The following CD9 variants were observed in gnomAD, a reference collection of about 807,000 sequenced individuals.
CD9 encodes the protein CD9 molecule.
CD9 carries 10 observed loss-of-function variants against 31.4 expected under a neutral mutation model. That is an observed-to-expected ratio of 0.32 (90% CI 0.20 to 0.54). CD9 has a LOEUF of 0.54. CD9 is among the 20% of genes least tolerant of loss of function. The pLI is 0.94. For missense variants in CD9, 259 were observed against 300.1 expected, an observed-to-expected ratio of 0.86 and a Z score of 1.01; for synonymous variants, 113 against 114.1, an observed-to-expected ratio of 0.99 and a Z score of 0.06.
chr12:6,214,200 G>A (rs1565421088), intron 1 of CD9, among the ~76,000 whole-genome samples: 2 of 152,106 alleles, frequency 1.3e-5, no homozygotes, highest in South Asian at 2.1e-4. Context: ...GGTGATGAGA[G>A]GATTCAGTGA....
Position 6,235,347 on chromosome 12 carries a change from A to T in CD9, c.447+20A>T. The T allele has an allele frequency of 6.2e-7, 1 of 1,614,222 alleles. No homozygotes were observed. The highest frequency in any genetic ancestry group is 1.1e-5 in the South Asian group (1 of 91,088). Reference sequence around the variant, plus strand: ...TATGCGGTATGTCGCCTTGGCAAAGACACCCTCCTGCGCTTTCTCCGGATT... The same window carrying T: ...TATGCGGTATGTCGCCTTGGCAAAGTCACCCTCCTGCGCTTTCTCCGGATT... On this transcript the variant is annotated intron_variant, in intron 5 of 7. Coordinates refer to ENST00000009180, the MANE Select transcript of CD9 (RefSeq NM_001769.4).
intron 1 of CD9, among the ~76,000 whole-genome samples, chr12:6,201,163 G>C (rs1362709992): frequency 6.6e-6 from 1 of 152,188 alleles, no homozygotes; most frequent in Non-Finnish European, 1.5e-5. Context: ...CTCCACCCTT[G>C]AGGAGGAACC....
chr12:6,225,295 T>C (rs1278889425), intron 1 of CD9, 131 bp from the exon 2 acceptor site: 1 of 661,508 alleles, frequency 1.5e-6, no homozygotes. Flanking sequence ...CATCTACAAC[T>C]ACCAGGCGTA....
At chr12:6,202,150 G>T (rs1392070657) in intron 1 of CD9, among the ~76,000 whole-genome samples, 1 of 152,190 alleles carries the variant, frequency 6.6e-6, no homozygotes, top group Non-Finnish European at 1.5e-5. Context: ...GAGCTGAAGG[G>T]GTGGTTGAAC....
Position 6,235,189 on chromosome 12 carries a change from A to C in CD9, c.349-40A>C, listed in dbSNP as rs1439324170. On this transcript the variant is annotated intron_variant, in intron 4 of 7. Coordinates refer to ENST00000009180, the MANE Select transcript of CD9 (RefSeq NM_001769.4). ...ACATTTGTTCGTGGAGGAAGATGTG[A>C]AAATGCCGTCTCTGCCCCTCTCTCG... The C allele has an allele frequency of 3.6e-6, 5 of 1,402,112 alleles. No homozygotes were observed. In the South Asian group the frequency reaches 4.7e-5, roughly 13 times the overall value. 86.9% of individuals were successfully genotyped at this position (1,402,112 alleles called of 1,614,324 possible).
chr12:6,234,843 C>T (rs1483571482), intron 4 of CD9, among the ~76,000 whole-genome samples: 1 of 152,176 alleles, frequency 6.6e-6, no homozygotes, highest in Non-Finnish European at 1.5e-5. Flanking sequence ...AAAACTCATA[C>T]CTAAGTGAAG....
intron 1 of CD9, among the ~76,000 whole-genome samples, chr12:6,218,987 C>G (rs1946267447): frequency 6.6e-6 from 1 of 152,016 alleles, no homozygotes; most frequent in Non-Finnish European, 1.5e-5. Flanking sequence ...CCGAGGACAG[C>G]AATGCATGGG....
intron 5 of CD9, 70 bp downstream of exon 5, chr12:6,235,397 G>T (rs1946505345): frequency 1.2e-6 from 2 of 1,613,998 alleles, no homozygotes; most frequent in African/African-American, 2.7e-5. Flanking sequence ...GGTGCTGACT[G>T]CACCAGACCA....
chr12:6,209,135 AT>A (rs1946165817), intron 1 of CD9, among the ~76,000 whole-genome samples: 1 of 151,708 alleles, frequency 6.6e-6, no homozygotes, highest in Non-Finnish European at 1.5e-5. Context: ...CGCCCAGCTA[AT>A]TTTTGTATTT....
At chr12:6,212,774 A>G (rs908961726) in intron 1 of CD9, among the ~76,000 whole-genome samples, 2 of 152,182 alleles carry the variant, frequency 1.3e-5, no homozygotes, top group African/African-American at 4.8e-5. Context: ...AGAGCACTAA[A>G]TGGCCACAGA....
In CD9 at chr12:6,204,578, G is replaced by C. The variant is rs564373255; in HGVS notation, c.66+4013G>C. Reference sequence around the variant, plus strand: ...TCTCTCTCAGGGGTGTTCATTGCCCGTATACCTTAGTACTTGGCCTAGTGA... The same window carrying C: ...TCTCTCTCAGGGGTGTTCATTGCCCCTATACCTTAGTACTTGGCCTAGTGA... On this transcript the variant is annotated intron_variant, in intron 1 of 7. Transcript: ENST00000009180. 1.1e-4 allele frequency among the ~76,000 whole-genome samples: 16 copies of C among 152,178 alleles called. No homozygotes were observed. In the South Asian group the frequency reaches 3.1e-3, roughly 30 times the overall value.
At chr12:6,216,736 C>G (rs1001072039) in intron 1 of CD9, among the ~76,000 whole-genome samples, 7 of 152,166 alleles carry the variant, frequency 4.6e-5, no homozygotes, top group African/African-American at 1.7e-4. Context: ...AGCGCTCACA[C>G]AGACTCCCAC....
chr12:6,208,846 G>A (rs1946162077), intron 1 of CD9, among the ~76,000 whole-genome samples: 1 of 152,022 alleles, frequency 6.6e-6, no homozygotes, highest in Admixed American at 6.6e-5. Flanking sequence ...TTACAGGTGT[G>A]TAGTTTAATG....
chr12:6,201,805 G>A (rs1191839124), intron 1 of CD9, among the ~76,000 whole-genome samples: 1 of 152,194 alleles, frequency 6.6e-6, no homozygotes, highest in Non-Finnish European at 1.5e-5. Context: ...TTGGGAGGCT[G>A]AGGCAGGAGG....
At chr12:6,206,718 TA>T (rs1274315042) in intron 1 of CD9, among the ~76,000 whole-genome samples, 1 of 152,064 alleles carries the variant, frequency 6.6e-6, no homozygotes, top group Non-Finnish European at 1.5e-5. Context: ...ATCTATCTGG[TA>T]ATTTCCTCCC....
Position 6,200,424 on chromosome 12 carries a change from C to G in CD9, c.-76C>G. On this transcript the variant is annotated 5_prime_UTR_variant, in exon 1 of 8. Transcript: ENST00000009180. ...CAGCCGCCTGCATCTGTATCCAGCG[C>G]CAGGTCCCGCCAGTCCCAGCTGCGC... is the stretch of plus-strand genomic sequence containing the variant. The G allele has an allele frequency of 2.1e-6, 2 of 935,900 alleles. No individual in the cohort carries two copies. Among genetic ancestry groups the G allele is most frequent in the African/African-American group, 3.3e-5 (2 of 61,268 alleles). 58.0% of individuals were successfully genotyped at this position (935,900 alleles called of 1,614,324 possible).
intron 1 of CD9, among the ~76,000 whole-genome samples, chr12:6,214,904 C>T (rs915068485): frequency 6.6e-6 from 1 of 152,122 alleles, no homozygotes; most frequent in African/African-American, 2.4e-5. Context: ...GGGAGCCAAA[C>T]GCAGGTTCCA....
chr12:6,232,423 T>G lies in CD9; in HGVS notation c.176-209T>G. 1.6e-6 allele frequency: 1 copy of G among 610,500 alleles called. No individual in the cohort carries two copies. The highest frequency in any genetic ancestry group is 1.9e-5 in the South Asian group (1 of 52,858). The allele number at this position is 610,500 out of a possible 1,614,324, so 37.8% of individuals were successfully genotyped here. On this transcript the variant is annotated intron_variant, in intron 2 of 7. Transcript: ENST00000009180. This position sits in a 1 kb window ranked among gnomAD's most constrained non-coding sequence, Gnocchi z 4.8. ...GGAGCGTGAGCTTGATGAAGCAGAG[T>G]CATGCAAGAGAGGCTGGTGGGAAGG... is the stretch of plus-strand genomic sequence containing the variant.
chr12:6,225,819 G>T, intron 2 of CD9: 4 of 410,724 alleles, frequency 9.7e-6, no homozygotes, highest in Admixed American at 4.1e-5. Context: ...CATTCTTGAG[G>T]GTTTACGAAC....
Sources: allele counts gnomAD v4.1 joint callset (sites outside exome capture counted in the v4.1 genomes callset), GRCh38; gene constraint gnomAD v4.1.1; non-coding constraint Gnocchi (gnomAD v3.1); transcripts MANE v1.5; gene names NCBI Gene and HGNC (gene_info 2026-07-23, HGNC 2026-07-21).